Variants in SCAMP3 observed in about 807,000 individuals in gnomAD.
The protein encoded by SCAMP3 is secretory carrier-associated membrane protein 3.
In SCAMP3, 30 loss-of-function variants were observed where a neutral mutation model predicts 44.1. The observed-to-expected ratio is 0.68, with a 90% CI of 0.51 to 0.92. The LOEUF (loss-of-function observed/expected upper bound fraction) is 0.92. Ranked by LOEUF, SCAMP3 falls within the 40% of genes least tolerant of loss-of-function variation. SCAMP3 has a pLI of 0.00. For synonymous variants in SCAMP3, 168 were observed against 171.1 expected (o/e 0.98, Z 0.14); for missense variants, 394 against 440.0 (o/e 0.90, Z 0.93).
At chr1:155,256,575 A>G (rs1672803981) in intron 8 of SCAMP3, 99 bp downstream of exon 8, 18 of 1,374,314 alleles carry the variant, frequency 1.3e-5, no homozygotes, top group Non-Finnish European at 1.8e-5. Flanking sequence ...AGAACAACCC[A>G]GCAGCCTGAC....
rs984678581 is a variant in SCAMP3 at position 155,260,751 on chromosome 1, T to C, written c.145-92A>G. On this transcript the variant is annotated intron_variant, in intron 2 of 8. Transcript: ENST00000302631. ...ATACCTTTAGACCCAGAACTCATGA[T>C]GTAAGGAAGCAGCCTTTCCCCCATT... 8.6e-6 allele frequency: 10 copies of C among 1,162,148 alleles called. No individual in the cohort carries two copies. The South Asian group carries it at 9.1e-5, about 11-fold the overall frequency. 72.0% of individuals were successfully genotyped at this position (1,162,148 alleles called of 1,614,324 possible).
chr1:155,258,712 T>C (rs1672874511), intron 5 of SCAMP3, 114 bp downstream of exon 5: 1 of 947,318 alleles, frequency 1.1e-6, no homozygotes, highest in Admixed American at 2.6e-5. Context: ...GAACATTTGC[T>C]AGCAGGCTGG....
At chr1:155,260,773 C>T (rs1672938285) in intron 2 of SCAMP3, 114 bp from the exon 3 acceptor site, 2 of 929,472 alleles carry the variant, frequency 2.2e-6, no homozygotes, top group East Asian at 2.6e-5. Context: ...GCCTTTCCCC[C>T]ATTTGTTAGG....
intron 8 of SCAMP3, 99 bp downstream of exon 8, chr1:155,256,575 A>T: frequency 1.5e-6 from 2 of 1,374,316 alleles, no homozygotes; most frequent in Non-Finnish European, 2.1e-6. Flanking sequence ...AGAACAACCC[A>T]GCAGCCTGAC....
rs1672780734 is a variant in SCAMP3, at chr1:155,256,020, A to G, written c.*253T>C. On this transcript the variant is annotated 3_prime_UTR_variant, in exon 9 of 9. Coordinates refer to ENST00000302631, the MANE Select transcript of SCAMP3 (RefSeq NM_005698.4). ...ACTTTCTTTTTATTTAAATAACCGAAGCAACAGCCGTGGCACAGCAGAGGG... is the reference window on the plus strand; with the variant it reads ...ACTTTCTTTTTATTTAAATAACCGAGGCAACAGCCGTGGCACAGCAGAGGG... 1 of 400,788 alleles carries G rather than the reference A, an allele frequency of 2.5e-6. No homozygotes were observed. The highest frequency in any genetic ancestry group is 4.4e-6 in the Non-Finnish European group (1 of 226,054). 24.8% of individuals were successfully genotyped at this position (400,788 alleles called of 1,614,324 possible). A position where few individuals can be genotyped will look rare whatever the true frequency, so the allele number is the denominator to read the frequency against.
At position 155,262,119 on chromosome 1, in the gene SCAMP3, G is replaced by T. The variant is rs201529485; in HGVS notation, c.33C>A (p.Phe11Leu). Reference sequence around the variant, plus strand: ...GGTTGTCAAGCTCGCTGGGCTCGGCGAACGGGTTTCCGCCGTCTCTGCTCT... The same window carrying T: ...GGTTGTCAAGCTCGCTGGGCTCGGCTAACGGGTTTCCGCCGTCTCTGCTCT... MAQSRDGGNP[F>L]AEPSELDNPF... Residue 11 changes from phenylalanine (F) to leucine (L), a missense_variant, in exon 1 of 9, where the codon TTC becomes TTA. Coordinates refer to ENST00000302631, the MANE Select transcript of SCAMP3 (RefSeq NM_005698.4). 2.1e-5 allele frequency: 34 copies of T among 1,614,102 alleles called. No individual in the cohort carries two copies. In the East Asian group the frequency reaches 7.6e-4, roughly 36 times the overall value.
intron 8 of SCAMP3, 83 bp from the exon 9 acceptor site, chr1:155,256,502 C>G (rs1672800603): frequency 4.0e-6 from 6 of 1,492,064 alleles, no homozygotes; most frequent in Non-Finnish European, 5.5e-6. Flanking sequence ...TACCACTCAG[C>G]AGCCTGCTGC....
intron 4 of SCAMP3, among the ~76,000 whole-genome samples, chr1:155,260,012 C>T (rs1170532780): frequency 1.3e-5 from 2 of 149,470 alleles, no homozygotes; most frequent in African/African-American, 2.5e-5. Context: ...AGTGCAGTGG[C>T]GCTATCTCGG....
chr1:155,260,476 G>A (rs1672930762), intron 3 of SCAMP3, 26 bp from the exon 4 acceptor site: 1 of 1,614,216 alleles, frequency 6.2e-7, no homozygotes, highest in Non-Finnish European at 8.5e-7. Flanking sequence ...AGACGGAGAT[G>A]TGAGCCCTGG....
intron 4 of SCAMP3, among the ~76,000 whole-genome samples, chr1:155,260,100 C>T (rs534538770): frequency 1.2e-4 from 18 of 152,002 alleles, no homozygotes; most frequent in Non-Finnish European, 1.3e-4. Flanking sequence ...TACAGGTGCG[C>T]GCCACCATGC....
rs753472123 is a variant in SCAMP3 at position 155,262,340 on chromosome 1, T to C, written c.-189A>G. 3 of 591,064 alleles carry C rather than the reference T, an allele frequency of 5.1e-6. No homozygotes were observed. The highest frequency in any genetic ancestry group is 8.9e-6 in the Non-Finnish European group (3 of 336,122). The allele number at this position is 591,064 out of a possible 1,614,324, so 36.6% of individuals were successfully genotyped here. On this transcript the variant is annotated 5_prime_UTR_variant, in exon 1 of 9. Transcript: ENST00000302631. Reference sequence around the variant, plus strand: ...AGCCGTGGGTTGCGCCTGCGTCTTGTCCAAAAGCTAAGACGAAAGTGCCCC... The same window carrying C: ...AGCCGTGGGTTGCGCCTGCGTCTTGCCCAAAAGCTAAGACGAAAGTGCCCC...
chr1:155,258,668 T>C (rs1672870260), intron 5 of SCAMP3, 158 bp downstream of exon 5: 2 of 671,430 alleles, frequency 3.0e-6, no homozygotes, highest in Non-Finnish European at 5.1e-6. Context: ...AATATATTCC[T>C]GCATATGGAC....
Position 155,262,313 on chromosome 1 carries a change from G to T in SCAMP3, c.-162C>A. The T allele has an allele frequency of 1.5e-6, 1 of 650,206 alleles. No individual in the cohort carries two copies. The highest frequency in any genetic ancestry group is 2.6e-6 in the Non-Finnish European group (1 of 385,340). The allele number at this position is 650,206 out of a possible 1,614,324, so 40.3% of individuals were successfully genotyped here. A position where few individuals can be genotyped will look rare whatever the true frequency, so the allele number is the denominator to read the frequency against. ...CGGAAGGGCCACAAGGATCCCCGCA[G>T]CAGCCGTGGGTTGCGCCTGCGTCTT... On this transcript the variant is annotated 5_prime_UTR_variant, in exon 1 of 9. It adds an upstream start codon to the 5' untranslated region. Transcript: ENST00000302631.
rs1672845997 is a variant in SCAMP3, at chr1:155,257,786, T to C, written c.518-129A>G. The C allele has an allele frequency of 3.7e-6, 3 of 819,364 alleles. No individual in the cohort carries two copies. The East Asian group carries it at 8.0e-5, about 22-fold the overall frequency. 50.8% of individuals were successfully genotyped at this position (819,364 alleles called of 1,614,324 possible). A position where few individuals can be genotyped will look rare whatever the true frequency, so the allele number is the denominator to read the frequency against. ...GAAATGAAGGCAGCTGCTGCCTTCA[T>C]GGAATCCTCAACAGGGGAGATGGAG... On this transcript the variant is annotated intron_variant, in intron 5 of 8. Coordinates refer to ENST00000302631, the MANE Select transcript of SCAMP3 (RefSeq NM_005698.4).
At chr1:155,259,089 C>CAGGCTGGA (rs1672889217) in intron 4 of SCAMP3, 135 bp from the exon 5 acceptor site, 1 of 749,894 alleles carries the variant, frequency 1.3e-6, no homozygotes, top group East Asian at 3.2e-5. Flanking sequence ...CTCTGTTGTT[C>CAGGCTGGA]AGGCTGGAAG....
chr1:155,260,802 A>G, intron 2 of SCAMP3, 143 bp from the exon 3 acceptor site: 3 of 727,596 alleles, frequency 4.1e-6, no homozygotes, highest in Non-Finnish European at 6.6e-6. Context: ...TCTTCTGTTG[A>G]ATTTCTGTCA....
chr1:155,261,622 C>T lies in SCAMP3; in HGVS notation c.144+35G>A, dbSNP rs1425629394. ...AACTTGTCTCACTGGCAAACCCTTC[C>T]CTTCCTTGAACTCCTATGCTCTCCA... On this transcript the variant is annotated intron_variant, in intron 2 of 8. Transcript: ENST00000302631. 5 of 1,592,290 alleles carry T rather than the reference C, an allele frequency of 3.1e-6. No homozygotes were observed. In the African/African-American group the frequency reaches 5.4e-5, roughly 17 times the overall value.
At chr1:155,259,955 G>GTTT (rs1397736683) in intron 4 of SCAMP3, among the ~76,000 whole-genome samples, 1 of 140,054 alleles carries the variant, frequency 7.1e-6, no homozygotes. Flanking sequence ...CCAGGTTTGT[G>GTTT]TTTTTTTTTT....
At position 155,257,512 on chromosome 1, in the gene SCAMP3, C is replaced by T; in HGVS notation, c.663G>A (p.Met221Ile). The T allele has an allele frequency of 6.2e-7, 1 of 1,613,402 alleles. No individual in the cohort carries two copies. Among genetic ancestry groups the T allele is most frequent in the Middle Eastern group, 1.7e-4 (1 of 6,060 alleles). The stretch of plus-strand genomic sequence containing the variant: ...AACACACTTACCGGAAAGCCTTATA[C>T]ATGGGGCGGTACCAGCAGACAAAGG... ...PCSFVCWYRP[M>I]YKAFRSDSSF... Residue 221 changes from methionine to isoleucine, a missense_variant, in exon 6 of 9, where the codon ATG becomes ATA. Physicochemically the swap from Met to Ile is conservative, Grantham distance 10 (BLOSUM62 1). Coordinates refer to ENST00000302631, the MANE Select transcript of SCAMP3 (RefSeq NM_005698.4).
Sources: allele counts gnomAD v4.1 joint callset (sites outside exome capture counted in the v4.1 genomes callset), GRCh38; gene constraint gnomAD v4.1.1; transcripts MANE v1.5; gene names NCBI Gene and HGNC (gene_info 2026-07-23, HGNC 2026-07-21).